FAM76A: variants seen among roughly 807,000 people sequenced by gnomAD.
The protein encoded by FAM76A is family with sequence similarity 76 member A.
FAM76A carries 32 observed loss-of-function variants against 46.2 expected under a neutral mutation model. The ratio of observed to expected loss-of-function variants is 0.69; its 90% CI spans 0.52 to 0.93. FAM76A has a LOEUF of 0.93. FAM76A is among the 40% of genes least tolerant of loss of function. FAM76A has a pLI of 0.00. For missense variants in FAM76A, 274 were observed against 361.5 expected, an observed-to-expected ratio of 0.76 and a Z score of 1.96; for synonymous variants, 137 against 127.0, an observed-to-expected ratio of 1.08 and a Z score of -0.53.
chr1:27,748,567 C>CA (rs1313648254), intron 5 of FAM76A, among the ~76,000 whole-genome samples: 17 of 208 alleles, frequency 0.082, no homozygotes, highest in Non-Finnish European at 0.14. Flanking sequence ...CTGCAGGCTC[C>CA]GCCCCCGGGG....
In FAM76A at chr1:27,761,565, A is replaced by G. The variant is rs2148590873; in HGVS notation, c.*984A>G. ...TATGTGATTGATTTTAAATTCTCAC[A>G]CTGCCACTTCTTTAAAAAATAAAAT... On this transcript the variant is annotated 3_prime_UTR_variant, in exon 9 of 9. Transcript: ENST00000373954. The G allele has an allele frequency of 6.6e-6, 1 of 152,650 alleles. No homozygotes were observed. The highest frequency in any genetic ancestry group is 1.9e-4 in the East Asian group (1 of 5,198). 9.5% of individuals were successfully genotyped at this position (152,650 alleles called of 1,614,324 possible). A position where few individuals can be genotyped will look rare whatever the true frequency, so the allele number is the denominator to read the frequency against.
At chr1:27,743,309 C>G (rs2088185977) in intron 4 of FAM76A, among the ~76,000 whole-genome samples, 1 of 152,140 alleles carries the variant, frequency 6.6e-6, no homozygotes, top group African/African-American at 2.4e-5. Context: ...CACCACCACA[C>G]CTGGCTAATT....
At position 27,740,455 on chromosome 1, in the gene FAM76A, A is replaced by G. The variant is rs7547074; in HGVS notation, c.355-4199A>G. On this transcript the variant is annotated intron_variant, in intron 4 of 8. Coordinates refer to ENST00000373954, the MANE Select transcript of FAM76A (RefSeq NM_152660.3). ...TTGAGGACCCAGTTCCCATCTTTGG[A>G]TAAGAGGTCGATGGTGGAGTAGGTC... 3.8e-5 allele frequency: 56 copies of G among 1,470,874 alleles called. No individual in the cohort carries two copies. In the Middle Eastern group the frequency reaches 8.8e-4, roughly 23 times the overall value. 91.1% of individuals were successfully genotyped at this position (1,470,874 alleles called of 1,614,324 possible).
chr1:27,732,586 T>G lies in FAM76A; in HGVS notation c.147-17T>G. ...AGATATTCTAAGAAAAGCCTGTGTC[T>G]CTTTCTTCCTTAACAGTAAAACCAA... On this transcript the variant is annotated splice_polypyrimidine_tract_variant and intron_variant, in intron 2 of 8. Coordinates refer to ENST00000373954, the MANE Select transcript of FAM76A (RefSeq NM_152660.3). The G allele has an allele frequency of 6.2e-7, 1 of 1,600,500 alleles. No homozygotes were observed. Among genetic ancestry groups the G allele is most frequent in the South Asian group, 1.1e-5 (1 of 90,060 alleles).
chr1:27,743,233 C>G (rs981926571), intron 4 of FAM76A, among the ~76,000 whole-genome samples: 1 of 152,134 alleles, frequency 6.6e-6, no homozygotes, highest in Non-Finnish European at 1.5e-5. Context: ...TCATGGCAGC[C>G]TTGACCTCCC....
chr1:27,734,691 G>A (rs1192348473), intron 4 of FAM76A, among the ~76,000 whole-genome samples: 6 of 152,108 alleles, frequency 3.9e-5, no homozygotes, highest in South Asian at 2.1e-4. Context: ...AACATTTCAC[G>A]AGAATTGAAT....
chr1:27,727,431 T>C, intron 1 of FAM76A, 41 bp from the exon 2 acceptor site: 14 of 1,579,514 alleles, frequency 8.9e-6, no homozygotes, highest in Non-Finnish European at 1.2e-5. Flanking sequence ...CTGTTTCCAT[T>C]TGTGACTGCC....
At chr1:27,737,912 A>C (rs563774277) in intron 4 of FAM76A, among the ~76,000 whole-genome samples, 4 of 148,438 alleles carry the variant, frequency 2.7e-5, no homozygotes, top group African/African-American at 9.8e-5. Flanking sequence ...AAAATTAGCC[A>C]GGCGTGGTGG....
chr1:27,741,799 C>T (rs992200969), intron 4 of FAM76A, among the ~76,000 whole-genome samples: 1 of 151,384 alleles, frequency 6.6e-6, no homozygotes. Flanking sequence ...AGGAGAATTG[C>T]TTGAACCCAG....
intron 2 of FAM76A, 135 bp downstream of exon 2, chr1:27,727,671 A>G: frequency 1.5e-6 from 1 of 669,438 alleles, no homozygotes; most frequent in Non-Finnish European, 2.6e-6. Context: ...CACATTATAT[A>G]CAGACTATAA....
At chr1:27,730,490 G>A (rs1430110061) in intron 2 of FAM76A, among the ~76,000 whole-genome samples, 2 of 151,982 alleles carry the variant, frequency 1.3e-5, no homozygotes, top group Non-Finnish European at 2.9e-5. Flanking sequence ...CCAGCCTAGA[G>A]TTAGTTTTTC....
intron 2 of FAM76A, among the ~76,000 whole-genome samples, chr1:27,731,973 C>T (rs1380484691): frequency 1.3e-5 from 2 of 152,106 alleles, no homozygotes; most frequent in Non-Finnish European, 2.9e-5. Flanking sequence ...AGGCACGCGC[C>T]ACCACGCCTG....
At chr1:27,748,692 A>G (rs2088285698) in intron 5 of FAM76A, among the ~76,000 whole-genome samples, 1 of 151,316 alleles carries the variant, frequency 6.6e-6, no homozygotes, top group Non-Finnish European at 1.5e-5. Context: ...CGTGTTAGCC[A>G]GGATGGTCTC....
intron 8 of FAM76A, chr1:27,760,291 C>T: frequency 2.3e-6 from 1 of 441,906 alleles, no homozygotes. Context: ...GATTGAGGTA[C>T]ACTGATTAAC....
intron 7 of FAM76A, among the ~76,000 whole-genome samples, chr1:27,757,188 CTTTT>C (rs1182814614): frequency 7.5e-4 from 61 of 81,592 alleles, no homozygotes; most frequent in Non-Finnish European, 1.1e-3. Context: ...CTCATTTATT[CTTTT>C]TTTTTTTTTT....
At position 27,728,577 on chromosome 1, in the gene FAM76A, C is replaced by G. The variant is rs1038362037; in HGVS notation, c.146+1041C>G. On this transcript the variant is annotated intron_variant, in intron 2 of 8. Transcript: ENST00000373954. Reference sequence around the variant, plus strand: ...ATGTTACCCAGGCTGGTCTCTTACTCATGGGCCCAAGTGATTCCTTCCTCG... The same window carrying G: ...ATGTTACCCAGGCTGGTCTCTTACTGATGGGCCCAAGTGATTCCTTCCTCG... 2.6e-5 allele frequency among the ~76,000 whole-genome samples: 4 copies of G among 152,082 alleles called. No individual in the cohort carries two copies. The South Asian group carries it at 8.3e-4, about 32-fold the overall frequency.
rs2088515040 is a variant in FAM76A at position 27,761,891 on chromosome 1, G to A, written c.*1310G>A. On this transcript the variant is annotated 3_prime_UTR_variant, in exon 9 of 9. Transcript: ENST00000373954. ...AGGCAGGAGAACTGCTCGAATCCCGGGAGGCAGAGGTTGCAATGAGCTGAA... is the reference window on the plus strand; with the variant it reads ...AGGCAGGAGAACTGCTCGAATCCCGAGAGGCAGAGGTTGCAATGAGCTGAA... The A allele has an allele frequency of 6.6e-6, 1 of 151,816 alleles. No homozygotes were observed. The highest frequency in any genetic ancestry group is 2.1e-4 in the South Asian group (1 of 4,814). 9.4% of individuals were successfully genotyped at this position (151,816 alleles called of 1,614,324 possible).
intron 1 of FAM76A, 138 bp from the exon 2 acceptor site, chr1:27,727,333 GA>G: frequency 1.5e-6 from 1 of 675,422 alleles, no homozygotes; most frequent in South Asian, 1.6e-5. Flanking sequence ...TTACAGAGGA[GA>G]AAAATAAGGC....
intron 5 of FAM76A, among the ~76,000 whole-genome samples, chr1:27,748,124 T>TG (rs1223804779): frequency 2.9e-5 from 4 of 138,580 alleles, no homozygotes; most frequent in African/African-American, 1.1e-4. Context: ...AAAGAAGTTT[T>TG]TTTTTTTTTT....
Sources: allele counts gnomAD v4.1 joint callset (sites outside exome capture counted in the v4.1 genomes callset), GRCh38; gene constraint gnomAD v4.1.1; transcripts MANE v1.5; gene names NCBI Gene and HGNC (gene_info 2026-07-23, HGNC 2026-07-21).